FIGN: variants seen among roughly 807,000 people sequenced by gnomAD.
FIGN encodes the protein fidgetin.
A neutral mutation model predicts 51.3 loss-of-function variants in FIGN; 11 were observed. That is an observed-to-expected ratio of 0.21 (90% CI 0.13 to 0.35). The LOEUF is 0.35. Among genes scored for constraint, FIGN ranks in the 10% least tolerant of loss-of-function variants. The probability of loss-of-function intolerance (pLI) is 1.00; values close to 1 mark genes in which losing one functional copy is unlikely to be tolerated. For synonymous variants in FIGN, 407 were observed against 363.2 expected, an observed-to-expected ratio of 1.12 and a Z score of -1.37; for missense variants, 857 against 943.6, an observed-to-expected ratio of 0.91 and a Z score of 1.20.
chr2:163,636,887 G>T (rs1323729301), intron 2 of FIGN, among the ~76,000 whole-genome samples: 1 of 152,078 alleles, frequency 6.6e-6, no homozygotes, highest in Non-Finnish European at 1.5e-5. Context: ...CTACCAGCCT[G>T]GCCAACATGG....
intron 2 of FIGN, among the ~76,000 whole-genome samples, chr2:163,709,707 G>T (rs1205461080): frequency 6.6e-6 from 1 of 151,986 alleles, no homozygotes. Context: ...TATCTGCCCA[G>T]CCCCTATAAC....
intron 2 of FIGN, among the ~76,000 whole-genome samples, chr2:163,679,862 C>A (rs1301039979): frequency 6.6e-6 from 1 of 152,142 alleles, no homozygotes; most frequent in Non-Finnish European, 1.5e-5. Context: ...TTATATATTA[C>A]AAACTGTGAA....
chr2:163,616,392 G>A (rs1359066947), intron 2 of FIGN, among the ~76,000 whole-genome samples: 1 of 152,184 alleles, frequency 6.6e-6, no homozygotes, highest in Non-Finnish European at 1.5e-5. Flanking sequence ...AAATATCAAT[G>A]TGAGGCACTC....
chr2:163,612,199 T>C (rs1044868975), intron 2 of FIGN: 13 of 541,764 alleles, frequency 2.4e-5, no homozygotes, highest in African/African-American at 2.1e-5. Context: ...AGCAGACATT[T>C]TAAATATCTT....
intron 2 of FIGN, among the ~76,000 whole-genome samples, chr2:163,652,389 C>CACACACACACA (rs1683492620): frequency 6.6e-6 from 1 of 150,818 alleles, no homozygotes; most frequent in African/African-American, 2.4e-5. Flanking sequence ...CACACACACA[C>CACACACACACA]TTTCACTAAA....
At chr2:163,704,656 T>TCTCTCTCTCTCTCTCTCTCTCACA (rs72286438) in intron 2 of FIGN, among the ~76,000 whole-genome samples, 1 of 129,708 alleles carries the variant, frequency 7.7e-6, no homozygotes, top group African/African-American at 3.2e-5. Context: ...TCTCTCTCTC[T>TCTCTCTCTCTCTCTCTCTCTCACA]CACACACACA....
At chr2:163,686,740 G>T (rs1164095697) in intron 2 of FIGN, among the ~76,000 whole-genome samples, 1 of 149,776 alleles carries the variant, frequency 6.7e-6, no homozygotes, top group Non-Finnish European at 1.5e-5. Flanking sequence ...TCATATACCT[G>T]TGTTTATGTA....
In FIGN at chr2:163,643,549, G is replaced by A. The variant is rs144765671; in HGVS notation, c.26-31743C>T. ...ACTTGTAGTTCTAGCTACTCAGGAG[G>A]CTGAGACAAGAGAATCGCTTGAACC... On this transcript the variant is annotated intron_variant, in intron 2 of 2. Transcript: ENST00000333129. Among the ~76,000 whole-genome samples, 104 of 151,612 alleles carry A rather than the reference G, an allele frequency of 6.9e-4. No individual in the cohort carries two copies. In the Middle Eastern group the frequency reaches 0.024, roughly 35 times the overall value.
intron 2 of FIGN, among the ~76,000 whole-genome samples, chr2:163,694,239 T>A (rs1684282513): frequency 6.6e-6 from 1 of 152,078 alleles, no homozygotes; most frequent in African/African-American, 2.4e-5. Flanking sequence ...TGGGATAGAA[T>A]TTTTTACAAA....
chr2:163,613,899 A>G (rs1558996247), intron 2 of FIGN, among the ~76,000 whole-genome samples: 1 of 152,202 alleles, frequency 6.6e-6, no homozygotes, highest in Non-Finnish European at 1.5e-5. Context: ...AATGCTGCAC[A>G]GTGTAACTTA....
intron 2 of FIGN, among the ~76,000 whole-genome samples, chr2:163,676,283 A>T (rs1683962176): frequency 6.6e-6 from 1 of 151,490 alleles, no homozygotes; most frequent in East Asian, 1.9e-4. Flanking sequence ...AGATGGAAAA[A>T]CAATGTTTTA....
intron 2 of FIGN, among the ~76,000 whole-genome samples, chr2:163,672,341 G>T (rs13427120): frequency 0.034 from 5,178 of 151,980 alleles, 259 homozygotes; most frequent in African/African-American, 0.11. Flanking sequence ...TGGGTATATT[G>T]TGTAACTCTA....
At chr2:163,727,761 A>G (rs1297241175) in intron 2 of FIGN, among the ~76,000 whole-genome samples, 1 of 152,212 alleles carries the variant, frequency 6.6e-6, no homozygotes, top group East Asian at 1.9e-4. Context: ...TGCAACTTCA[A>G]GTGCACTCAG....
At chr2:163,630,987 A>ACTGAGAATT (rs1427598816) in intron 2 of FIGN, among the ~76,000 whole-genome samples, 1 of 152,228 alleles carries the variant, frequency 6.6e-6, no homozygotes, top group African/African-American at 2.4e-5. Context: ...TGATTAAGTG[A>ACTGAGAATT]CTGAGAATTC....
At chr2:163,679,707 C>G (rs185384908) in intron 2 of FIGN, among the ~76,000 whole-genome samples, 2 of 152,274 alleles carry the variant, frequency 1.3e-5, no homozygotes. Flanking sequence ...TGGTTCCTTG[C>G]TTTCATTGCA....
chr2:163,679,228 T>G (rs1684019368), intron 2 of FIGN, among the ~76,000 whole-genome samples: 1 of 151,998 alleles, frequency 6.6e-6, no homozygotes, highest in Admixed American at 6.5e-5. Flanking sequence ...GCGTGGCGAC[T>G]CACACCTGTA....
At chr2:163,622,987 TCTTCATAGCACACAAATTCCCTAA>T (rs1236197736) in intron 2 of FIGN, among the ~76,000 whole-genome samples, 10 of 152,294 alleles carry the variant, frequency 6.6e-5, no homozygotes, top group Non-Finnish European at 1.3e-4. Context: ...ATCATGTGCC[TCTTCATAGCACACAAATTCCCTAA>T]GCAACACGAA....
intron 2 of FIGN, among the ~76,000 whole-genome samples, chr2:163,666,043 G>A (rs1310125403): frequency 6.6e-6 from 1 of 152,184 alleles, no homozygotes; most frequent in Admixed American, 6.5e-5. Context: ...CATTTTGTTT[G>A]TTTAAAACCC....
intron 2 of FIGN, among the ~76,000 whole-genome samples, chr2:163,614,607 T>TG (rs1422916384): frequency 1.3e-5 from 2 of 151,570 alleles, no homozygotes. Context: ...CAGAAAAACG[T>TG]GAAAAAAAAA....
Sources: allele counts gnomAD v4.1 joint callset (sites outside exome capture counted in the v4.1 genomes callset), GRCh38; gene constraint gnomAD v4.1.1; transcripts MANE v1.5; gene names NCBI Gene and HGNC (gene_info 2026-07-23, HGNC 2026-07-21).